Variants in KLRD1 observed in about 807,000 individuals in gnomAD.
KLRD1 encodes killer cell lectin like receptor D1.
A neutral mutation model predicts 22.6 loss-of-function variants in KLRD1; 21 were observed. That is an observed-to-expected ratio of 0.93 (90% CI 0.66 to 1.34). The LOEUF (loss-of-function observed/expected upper bound fraction) is 1.34. Among genes scored for constraint, KLRD1 ranks in the 40% most tolerant of loss-of-function variants. The pLI, the probability that KLRD1 is intolerant of heterozygous loss-of-function variation, is 0.00. For missense variants in KLRD1, 183 were observed against 208.6 expected (o/e 0.88, Z 0.76); for synonymous variants, 59 against 71.1 (o/e 0.83, Z 0.85).
intron 1 of KLRD1, among the ~76,000 whole-genome samples, chr12:10,266,447 A>G (rs537498068): frequency 1.3e-5 from 2 of 152,118 alleles, no homozygotes; most frequent in East Asian, 3.9e-4. Context: ...TCCTTGGCTC[A>G]TCTTTTAAAA....
intron 1 of KLRD1, among the ~76,000 whole-genome samples, chr12:10,269,859 ATAT>A (rs1383566190): frequency 6.6e-6 from 1 of 152,104 alleles, no homozygotes; most frequent in Non-Finnish European, 1.5e-5. Context: ...ATGTTTCATA[ATAT>A]TAAGTCAAAT....
At chr12:10,308,206 T>G (rs1242284479) in intron 1 of KLRD1, 122 bp downstream of exon 1, 13 of 786,382 alleles carry the variant, frequency 1.7e-5, no homozygotes, top group Non-Finnish European at 2.9e-5. Context: ...TTTTAGGATT[T>G]TCATGCATTA....
At chr12:10,282,686 T>C (rs190499619) in intron 1 of KLRD1, among the ~76,000 whole-genome samples, 77 of 152,354 alleles carry the variant, frequency 5.1e-4, no homozygotes, top group Non-Finnish European at 8.5e-4. Context: ...GTAAGAAATA[T>C]TGTAGAGCAT....
At chr12:10,261,078 A>G (rs1039765606) in intron 1 of KLRD1, among the ~76,000 whole-genome samples, 1 of 152,174 alleles carries the variant, frequency 6.6e-6, no homozygotes, top group Non-Finnish European at 1.5e-5. Flanking sequence ...CTCATTGCTG[A>G]TGTGTATATA....
chr12:10,302,421 T>C (rs2137678082), upstream of KLRD1, among the ~76,000 whole-genome samples: 1 of 152,328 alleles, frequency 6.6e-6, no homozygotes, highest in Non-Finnish European at 1.5e-5. Flanking sequence ...GCAGCCTCCC[T>C]TCTCATGCAA....
intron 1 of KLRD1, among the ~76,000 whole-genome samples, chr12:10,246,374 GA>G (rs34841287): frequency 0.18 from 26,999 of 151,904 alleles, 3,778 homozygotes; most frequent in East Asian, 0.38. Context: ...CAGTCCAGTG[GA>G]AATACTAATA....
chr12:10,311,015 T>C (rs1396658344), intron 3 of KLRD1, among the ~76,000 whole-genome samples: 2 of 152,208 alleles, frequency 1.3e-5, no homozygotes, highest in Non-Finnish European at 2.9e-5. Flanking sequence ...AAATGTACCA[T>C]ATTCTTTTCT....
chr12:10,266,565 A>G (rs2417586), intron 1 of KLRD1, among the ~76,000 whole-genome samples: 1 of 151,874 alleles, frequency 6.6e-6, no homozygotes, highest in East Asian at 1.9e-4. Flanking sequence ...TATTTTTAAC[A>G]CTGTAATCTA....
chr12:10,318,762 C>G lies in KLRD1; in HGVS notation c.*3969C>G, dbSNP rs975586528. Reference sequence around the variant, plus strand: ...TCGGGAGGCTGAGGCAGGAGAATGGCGAGAACCCGGGAGACGGAGTTTACA... The same window carrying G: ...TCGGGAGGCTGAGGCAGGAGAATGGGGAGAACCCGGGAGACGGAGTTTACA... On this transcript the variant is annotated 3_prime_UTR_variant, in exon 6 of 6. Transcript: ENST00000336164. The G allele has an allele frequency of 6.9e-6, 1 of 145,304 alleles. No homozygotes were observed. Among genetic ancestry groups the G allele is most frequent in the Admixed American group, 7.3e-5 (1 of 13,632 alleles). 9.0% of individuals were successfully genotyped at this position (145,304 alleles called of 1,614,324 possible).
chr12:10,311,756 C>A, intron 4 of KLRD1, 141 bp downstream of exon 4: 1 of 614,824 alleles, frequency 1.6e-6, no homozygotes, highest in Non-Finnish European at 2.6e-6. Flanking sequence ...GTTCTGTGTA[C>A]CTTAAAGTAG....
chr12:10,305,901 G>A (rs565528447), upstream of KLRD1, among the ~76,000 whole-genome samples: 2 of 152,210 alleles, frequency 1.3e-5, no homozygotes, highest in East Asian at 1.9e-4. Context: ...GGTGGCTCAC[G>A]CCTGTAATCC....
chr12:10,299,404 A>G (rs1262943072), intron 1 of KLRD1, among the ~76,000 whole-genome samples: 1 of 152,158 alleles, frequency 6.6e-6, no homozygotes, highest in Non-Finnish European at 1.5e-5. Flanking sequence ...TGGAGATATT[A>G]TGGGTTTGAT....
Position 10,315,385 on chromosome 12 carries a change from C to A in KLRD1, c.*592C>A. 2.7e-6 allele frequency: 1 copy of A among 374,378 alleles called. No homozygotes were observed. 23.2% of individuals were successfully genotyped at this position (374,378 alleles called of 1,614,324 possible). A position where few individuals can be genotyped will look rare whatever the true frequency, so the allele number is the denominator to read the frequency against. On this transcript the variant is annotated 3_prime_UTR_variant, in exon 6 of 6. Transcript: ENST00000336164. ...AAGGGATTCTCCCACCTTGGATTCC[C>A]AAAGTGCTGGGATTATAGGTGTGAA...
chr12:10,309,761 G>T, intron 3 of KLRD1, 73 bp downstream of exon 3: 1 of 1,009,698 alleles, frequency 9.9e-7, no homozygotes, highest in Non-Finnish European at 1.6e-6. Context: ...TTCACACAGA[G>T]AGGCATGATG....
intron 1 of KLRD1, among the ~76,000 whole-genome samples, chr12:10,267,582 G>GA (rs1384011447): frequency 6.6e-6 from 1 of 152,132 alleles, no homozygotes; most frequent in Non-Finnish European, 1.5e-5. Flanking sequence ...CATGAGACTG[G>GA]AAAATGCTAC....
chr12:10,311,557 G>A lies in KLRD1; in HGVS notation c.257G>A (p.Arg86Gln), dbSNP rs780354594. ...SSEQKTWNESRHLCASQKSSL... is the reference protein window; with the variant it reads ...SSEQKTWNESQHLCASQKSSL... ...GAACAGAAAACTTGGAACGAAAGTC[G>A]GCATCTCTGTGCTTCTCAGAAATCC... is the stretch of plus-strand genomic sequence containing the variant. Residue 86 changes from arginine (R) to glutamine (Q), a missense_variant, in exon 4 of 6, where the codon CGG becomes CAG. Coordinates refer to ENST00000336164, the MANE Select transcript of KLRD1 (RefSeq NM_002262.5). 23 of 1,613,916 alleles carry A rather than the reference G, an allele frequency of 1.4e-5. No homozygotes were observed. The highest frequency in any genetic ancestry group is 3.3e-5 in the Admixed American group (2 of 59,998).
intron 1 of KLRD1, among the ~76,000 whole-genome samples, chr12:10,264,584 A>G (rs981951985): frequency 6.6e-6 from 1 of 152,022 alleles, no homozygotes; most frequent in Admixed American, 6.6e-5. Context: ...ACAATTGTGT[A>G]TATTTAGGGT....
rs1190408287 is a variant in KLRD1, at chr12:10,239,434, T to TTTCCTTCCTTCCTTCCTTCCTTCC, written c.-101+13229_-101+13252dup. 9.7e-5 allele frequency among the ~76,000 whole-genome samples: 4 copies of TTTCCTTCCTTCCTTCCTTCCTTCC among 41,402 alleles called. 1 individual carries two copies. Among genetic ancestry groups the TTTCCTTCCTTCCTTCCTTCCTTCC allele is most frequent in the African/African-American group, 1.6e-4 (2 of 12,342 alleles). The allele number at this position is 41,402 out of a possible 152,430, so 27.2% of individuals were successfully genotyped here. A position where few individuals can be genotyped will look rare whatever the true frequency, so the allele number is the denominator to read the frequency against. ...CTTCCTTCTTTCCATCCTTCCTTCC[T>TTTCCTTCCTTCCTTCCTTCCTTCC]TTCCTTCCTTCCTTCCTTCCTTCCT... On this transcript the variant is annotated intron_variant, in intron 1 of 5. Coordinates refer to the KLRD1 transcript ENST00000544747.
intron 1 of KLRD1, among the ~76,000 whole-genome samples, chr12:10,246,726 A>G: frequency 6.6e-6 from 1 of 152,090 alleles, no homozygotes; most frequent in South Asian, 2.1e-4. Flanking sequence ...ATAATGTGCA[A>G]ATAATTTTTG....
Sources: allele counts gnomAD v4.1 joint callset (sites outside exome capture counted in the v4.1 genomes callset), GRCh38; gene constraint gnomAD v4.1.1; transcripts MANE v1.5; gene names NCBI Gene and HGNC (gene_info 2026-07-23, HGNC 2026-07-21).